The following SYNE1 variants were observed in gnomAD, a reference collection of about 807,000 sequenced individuals.
The protein encoded by SYNE1 is nesprin-1.
Under a neutral mutation model 1,111.0 loss-of-function variants are expected in SYNE1, and 616 were observed. The ratio of observed to expected loss-of-function variants is 0.55; its 90% confidence interval spans 0.52 to 0.59. The LOEUF (loss-of-function observed/expected upper bound fraction) is 0.59, where lower values mean the gene tolerates loss of function less well. Among genes scored for constraint, SYNE1 ranks in the 20% least tolerant of loss-of-function variants. The probability of loss-of-function intolerance (pLI) is 0.00; values close to 1 mark genes in which losing one functional copy is unlikely to be tolerated. For missense variants in SYNE1, 10,006 were observed against 10,417.0 expected (o/e 0.96, Z 1.72); for synonymous variants, 3,855 against 3,825.8 (o/e 1.01, Z -0.28).
intron 4 of SYNE1, among the ~76,000 whole-genome samples, chr6:152,533,066 G>A (rs1431790911): frequency 6.6e-6 from 1 of 152,102 alleles, no homozygotes; most frequent in Non-Finnish European, 1.5e-5. Context: ...TAAAATTAAT[G>A]TCCAACAGGT....
intron 8 of SYNE1, 83 bp from the exon 9 acceptor site, chr6:152,505,480 G>T: frequency 4.1e-6 from 6 of 1,450,836 alleles, no homozygotes; most frequent in African/African-American, 1.4e-5. Flanking sequence ...AAAATCCAGT[G>T]CTTTTCACCA....
At chr6:152,291,937 G>C (rs1220312276) in intron 95 of SYNE1, among the ~76,000 whole-genome samples, 1 of 152,158 alleles carries the variant, frequency 6.6e-6, no homozygotes, top group African/African-American at 2.4e-5. Flanking sequence ...AACAGCCATC[G>C]AGGTTGGCCT....
intron 3 of SYNE1, among the ~76,000 whole-genome samples, chr6:152,603,981 T>A (rs1316081224): frequency 6.8e-6 from 1 of 146,252 alleles, no homozygotes; most frequent in African/African-American, 2.5e-5. Flanking sequence ...TATCTCTATA[T>A]CTGTATCTAT....
Position 152,242,418 on chromosome 6 carries a change from A to G in SYNE1, c.19715T>C (p.Met6572Thr), listed in dbSNP as rs1172956478. ...ACCACTCCTCCGGGAGCCAATGATC[A>G]TCATCAGCTCATCATACATGTCCTA... ...KLQDMYDELM[M>T]IIGSRRSGLN... The change falls in exon 107 of 146, where the codon ATG becomes ACG. Residue 6572 changes from methionine to threonine, a missense_variant. By Grantham distance (81) the Met-to-Thr change is moderately conservative. This residue lies in a region of SYNE1 where 2,182 missense variants were observed against 2,287.8 expected (regional missense o/e 0.95). Transcript: ENST00000367255. 1 of 1,614,106 alleles carries G rather than the reference A, an allele frequency of 6.2e-7. No homozygotes were observed. The highest frequency in any genetic ancestry group is 1.7e-5 in the Admixed American group (1 of 60,014).
chr6:152,441,001 G>C, intron 32 of SYNE1, 129 bp downstream of exon 32: 1 of 1,106,250 alleles, frequency 9.0e-7, no homozygotes, highest in East Asian at 2.6e-5. Flanking sequence ...TGAAAGAATG[G>C]GTCATCAATA....
In SYNE1 at chr6:152,130,779, C is replaced by T. The variant is rs2055351973; in HGVS notation, c.26095-1G>A. ...GTGAGAGACTACACTTGCCTCGTGG[C>T]TGTTTGCAATGAACAGGGGGTAAAG... is the stretch of plus-strand genomic sequence containing the variant. On this transcript the variant is annotated splice_acceptor_variant, in intron 144 of 145. Transcript: ENST00000367255. LOFTEE classifies it high-confidence loss of function. The T allele has an allele frequency of 1.9e-6, 3 of 1,614,152 alleles. No homozygotes were observed. Among genetic ancestry groups the T allele is most frequent in the Non-Finnish European group, 8.5e-7 (1 of 1,180,030 alleles).
chr6:152,121,745 G>A lies in SYNE1; in HGVS notation c.*691C>T, dbSNP rs1270539049. The stretch of plus-strand genomic sequence containing the variant: ...TCAATACAAACAAAACTTGGCTTTA[G>A]CAAACTGTACATACATAAATATCTT... On this transcript the variant is annotated 3_prime_UTR_variant, in exon 146 of 146. Coordinates refer to ENST00000367255, the MANE Select transcript of SYNE1 (RefSeq NM_182961.4). The A allele has an allele frequency of 6.7e-6, 1 of 149,550 alleles. No individual in the cohort carries two copies. The highest frequency in any genetic ancestry group is 1.5e-5 in the Non-Finnish European group (1 of 67,622). 9.3% of individuals were successfully genotyped at this position (149,550 alleles called of 1,614,324 possible).
intron 97 of SYNE1, among the ~76,000 whole-genome samples, chr6:152,279,120 T>C (rs2093839164): frequency 6.7e-6 from 1 of 149,250 alleles, no homozygotes; most frequent in Non-Finnish European, 1.5e-5. Flanking sequence ...AAAATTTGCC[T>C]GAGCCTCTCA....
intron 119 of SYNE1, among the ~76,000 whole-genome samples, chr6:152,220,615 T>C (rs1391400471): frequency 2.0e-5 from 3 of 151,772 alleles, no homozygotes; most frequent in Non-Finnish European, 4.4e-5. Flanking sequence ...CTAGGAAAAA[T>C]GGGAAAACAA....
chr6:152,610,488 G>A (rs144247646), intron 3 of SYNE1, among the ~76,000 whole-genome samples: 70 of 152,328 alleles, frequency 4.6e-4, no homozygotes, highest in African/African-American at 1.6e-3. Context: ...AAAAATAGGG[G>A]ACTATGTGAT....
chr6:152,303,917 A>G (rs984737028), intron 91 of SYNE1, among the ~76,000 whole-genome samples: 7 of 152,148 alleles, frequency 4.6e-5, no homozygotes, highest in African/African-American at 1.4e-4. Flanking sequence ...ACACACACAC[A>G]CACACACACA....
In SYNE1 at chr6:152,225,727, A is replaced by T; in HGVS notation, c.21345T>A (p.Asp7115Glu). ...TTTCTGTGAGCAATATTACCATGTG[A>T]TCTAAATTTGCCCAGGTTTGGCCGA... ...RELGQTWANLDHMVGQLKILL... is the reference protein window; with the variant it reads ...RELGQTWANLEHMVGQLKILL... Residue 7115 changes from aspartate to glutamate, a missense_variant, in exon 116 of 146, where the codon GAT becomes GAA. By Grantham distance (45) the Asp-to-Glu change is conservative (BLOSUM62 2). Transcript: ENST00000367255. The T allele has an allele frequency of 6.2e-7, 1 of 1,614,104 alleles. No individual in the cohort carries two copies. The highest frequency in any genetic ancestry group is 1.1e-5 in the South Asian group (1 of 91,080).
At position 152,149,465 on chromosome 6, in the gene SYNE1, A is replaced by G. The variant is rs558964123; in HGVS notation, c.24642+12T>C. The G allele has an allele frequency of 1.2e-6, 2 of 1,614,194 alleles. No homozygotes were observed. Among genetic ancestry groups the G allele is most frequent in the African/African-American group, 2.7e-5 (2 of 75,056 alleles). On this transcript the variant is annotated intron_variant, in intron 136 of 145. Coordinates refer to ENST00000367255, the MANE Select transcript of SYNE1 (RefSeq NM_182961.4). ...AGATTTAATGACAACTAAGAAAATC[A>G]ATGTTACATACAGGCAGGCGGATCA...
At position 152,154,957 on chromosome 6, in the gene SYNE1, C is replaced by T; in HGVS notation, c.24064G>A (p.Ala8022Thr). The T allele has an allele frequency of 6.2e-7, 1 of 1,614,216 alleles. No homozygotes were observed. Among genetic ancestry groups the T allele is most frequent in the Non-Finnish European group, 8.5e-7 (1 of 1,180,032 alleles). ...EDWLKSSERT[A>T]AFPSSSGVIY... ...ACCCCAGAAGAGCTGGGAAAAGCAG[C>T]TGTCCTTTCTGAAGACTTCAGCCAA... The change falls in exon 133 of 146, where the codon GCT becomes ACT. Residue 8022 changes from alanine to threonine, a missense_variant. By Grantham distance (58) the Ala-to-Thr change is moderately conservative. Transcript: ENST00000367255.
intron 85 of SYNE1, 98 bp from the exon 86 acceptor site, chr6:152,318,361 T>A: frequency 1.6e-6 from 2 of 1,243,764 alleles, no homozygotes; most frequent in South Asian, 2.5e-5. Flanking sequence ...CCAAATATTA[T>A]AATGAATAAT....
rs183784936 is a variant in SYNE1 at position 152,563,805 on chromosome 6, T to C, written c.68-23784A>G. On this transcript the variant is annotated intron_variant, in intron 3 of 145. Coordinates refer to ENST00000367255, the MANE Select transcript of SYNE1 (RefSeq NM_182961.4). ...ATTTCTTGTATTTTTACACAAGATA[T>C]AATCTTGTTTATTTCTGATTTGTTC... Among the ~76,000 whole-genome samples, 234 of 152,300 alleles carry C rather than the reference T, an allele frequency of 1.5e-3. 2 individuals carry two copies. The highest frequency in any genetic ancestry group is 2.8e-3 in the Non-Finnish European group (192 of 68,026).
rs764205112 is a variant in SYNE1 at position 152,330,320 on chromosome 6, G to C, written c.14365C>G (p.Gln4789Glu). 2.2e-5 allele frequency: 35 copies of C among 1,614,160 alleles called. No homozygotes were observed. The East Asian group carries it at 7.1e-4, about 33-fold the overall frequency. Residue 4789 changes from glutamine (Q) to glutamate (E), a missense_variant, in exon 78 of 146, where the codon CAG becomes GAG. By Grantham distance (29) the Gln-to-Glu change is conservative (BLOSUM62 2). This residue lies in a region of SYNE1 where 4,955 missense variants were observed against 5,017.2 expected (regional missense o/e 0.99). Transcript: ENST00000367255. ...AYQEHEKMCQ[Q>E]LERQLKSVKE... ...ACAGACTTCAGTTGTCTCTCCAGCT[G>C]TTGGCACATCTTCTCGTGTTCTTGG...
intron 42 of SYNE1, among the ~76,000 whole-genome samples, chr6:152,412,907 T>C (rs1449362521): frequency 1.3e-5 from 2 of 150,950 alleles, no homozygotes; most frequent in East Asian, 3.9e-4. Context: ...CCTGGAATGC[T>C]GTGGCGCAAT....
intron 130 of SYNE1, among the ~76,000 whole-genome samples, chr6:152,171,018 T>G (rs185733278): frequency 1.6e-4 from 25 of 152,310 alleles, no homozygotes; most frequent in East Asian, 7.7e-4. Flanking sequence ...TGCCACCATG[T>G]AAGATGTGCC....
Sources: allele counts gnomAD v4.1 joint callset (sites outside exome capture counted in the v4.1 genomes callset), GRCh38; gene constraint gnomAD v4.1.1; regional missense constraint gnomAD v4.1.1; transcripts MANE v1.5; gene names NCBI Gene and HGNC (gene_info 2026-07-23, HGNC 2026-07-21).